SNX8: variants seen among roughly 807,000 people sequenced by gnomAD.
SNX8 encodes sorting nexin-8.
In SNX8, 25 loss-of-function variants were observed where a neutral mutation model predicts 51.6. The ratio of observed to expected loss-of-function variants is 0.48; its 90% CI spans 0.35 to 0.68. The LOEUF is 0.68. SNX8 is among the 30% of genes least tolerant of loss of function. The pLI is 0.00. For missense variants in SNX8, 695 were observed against 624.0 expected, an observed-to-expected ratio of 1.11 and a Z score of -1.21; for synonymous variants, 324 against 277.0, an observed-to-expected ratio of 1.17 and a Z score of -1.68.
At chr7:2,264,878 T>TA (rs1263765445) in intron 5 of SNX8, among the ~76,000 whole-genome samples, 1 of 151,448 alleles carries the variant, frequency 6.6e-6, no homozygotes, top group East Asian at 1.9e-4. Flanking sequence ...CCACTAAAAA[T>TA]ACAAAAATTA....
intron 1 of SNX8, among the ~76,000 whole-genome samples, chr7:2,350,991 C>T (rs1036659290): frequency 1.3e-5 from 2 of 152,112 alleles, no homozygotes; most frequent in African/African-American, 2.4e-5. Flanking sequence ...CAGTGGTGCA[C>T]GCCTATAGTC....
intron 1 of SNX8, among the ~76,000 whole-genome samples, chr7:2,287,234 C>A (rs1796051987): frequency 7.1e-6 from 1 of 141,838 alleles, no homozygotes. Context: ...CCAGCCTGGG[C>A]AACAGAGCAA....
rs867590135 is a variant in SNX8 at position 2,302,020 on chromosome 7, A to T, written c.94+12308T>A. Among the ~76,000 whole-genome samples, 11 of 152,216 alleles carry T rather than the reference A, an allele frequency of 7.2e-5. No individual in the cohort carries two copies. The South Asian group carries it at 1.7e-3, about 23-fold the overall frequency. On this transcript the variant is annotated intron_variant, in intron 1 of 10. Coordinates refer to ENST00000222990, the MANE Select transcript of SNX8 (RefSeq NM_013321.4). ...CACTTTGGGAGGCCGAGGCAGGCAG[A>T]TCACCAGGTCAAGAGATCGAGACCA...
At chr7:2,312,603 T>C (rs955179211) in intron 1 of SNX8, among the ~76,000 whole-genome samples, 1 of 152,168 alleles carries the variant, frequency 6.6e-6, no homozygotes, top group Non-Finnish European at 1.5e-5. Context: ...ACATCGAGGA[T>C]GCCCACCAAA....
intron 1 of SNX8, among the ~76,000 whole-genome samples, chr7:2,330,364 CCAA>C (rs1778708474): frequency 6.6e-6 from 1 of 151,826 alleles, no homozygotes; most frequent in African/African-American, 2.4e-5. Flanking sequence ...TCTTGAACTC[CCAA>C]CCTCAAGTGA....
At chr7:2,265,335 G>A (rs1471174166) in intron 5 of SNX8, among the ~76,000 whole-genome samples, 6 of 151,448 alleles carry the variant, frequency 4.0e-5, no homozygotes, top group South Asian at 2.1e-4. Context: ...GCGAGACTCC[G>A]TCTCAAAAAC....
chr7:2,339,836 A>C (rs1778889947), intron 1 of SNX8, among the ~76,000 whole-genome samples: 1 of 152,182 alleles, frequency 6.6e-6, no homozygotes, highest in South Asian at 2.1e-4. Context: ...ATTTTTAAAA[A>C]GAACAGAATA....
chr7:2,322,260 T>C (rs1438968985), intron 1 of SNX8, among the ~76,000 whole-genome samples: 1 of 152,198 alleles, frequency 6.6e-6, no homozygotes, highest in Non-Finnish European at 1.5e-5. Flanking sequence ...AATGCTGGTG[T>C]GGTGGCTCAC....
intron 1 of SNX8, among the ~76,000 whole-genome samples, chr7:2,325,540 A>G (rs1434302159): frequency 6.6e-6 from 1 of 152,108 alleles, no homozygotes; most frequent in African/African-American, 2.4e-5. Flanking sequence ...GTAATGAGGA[A>G]TATCAGGCCA....
intron 5 of SNX8, among the ~76,000 whole-genome samples, chr7:2,268,583 G>T (rs1220094019): frequency 4.9e-5 from 7 of 142,434 alleles, no homozygotes; most frequent in Admixed American, 4.1e-4. Context: ...CAGCCGCCCT[G>T]TCCGGGAGGG....
In SNX8 at chr7:2,299,106, G is replaced by A. The variant is rs185768086; in HGVS notation, c.94+15222C>T. Among the ~76,000 whole-genome samples, 8 of 152,064 alleles carry A rather than the reference G, an allele frequency of 5.3e-5. No individual in the cohort carries two copies. The East Asian group carries it at 1.5e-3, about 29-fold the overall frequency. On this transcript the variant is annotated intron_variant, in intron 1 of 10. Coordinates refer to ENST00000222990, the MANE Select transcript of SNX8 (RefSeq NM_013321.4). ...GGCTCCCCAGAGAGCTAGGTTCCTC[G>A]ATAGGACAACGGCATCTTGTTCTCA...
At chr7:2,338,558 C>T (rs930616420) in intron 1 of SNX8, among the ~76,000 whole-genome samples, 4 of 151,948 alleles carry the variant, frequency 2.6e-5, no homozygotes, top group African/African-American at 9.7e-5. Flanking sequence ...TGCTTGAACC[C>T]GGGAGGCTGA....
At chr7:2,345,379 A>T (rs1160991521) in intron 1 of SNX8, among the ~76,000 whole-genome samples, 1 of 152,122 alleles carries the variant, frequency 6.6e-6, no homozygotes, top group African/African-American at 2.4e-5. Flanking sequence ...GGGACAAATA[A>T]AACTGAGGAA....
chr7:2,277,980 A>G, intron 2 of SNX8, 120 bp downstream of exon 2: 2 of 1,450,746 alleles, frequency 1.4e-6, no homozygotes, highest in African/African-American at 1.4e-5. Context: ...CTTGCCTGTA[A>G]GCCAGCCACA....
chr7:2,295,175 G>C (rs867628844), intron 1 of SNX8, among the ~76,000 whole-genome samples: 1 of 151,536 alleles, frequency 6.6e-6, no homozygotes, highest in South Asian at 2.1e-4. Flanking sequence ...AGGCCAAGGC[G>C]GGCAGATCAC....
intron 1 of SNX8, among the ~76,000 whole-genome samples, chr7:2,347,178 A>C (rs1779047698): frequency 6.6e-6 from 1 of 151,918 alleles, no homozygotes; most frequent in Non-Finnish European, 1.5e-5. Context: ...TCTCCACAAA[A>C]CAATAATAAT....
At chr7:2,283,082 C>T (rs1328066583) in intron 1 of SNX8, among the ~76,000 whole-genome samples, 1 of 151,704 alleles carries the variant, frequency 6.6e-6, no homozygotes, top group Non-Finnish European at 1.5e-5. Context: ...GATCGCGCCA[C>T]TGCACTCCAG....
At chr7:2,270,289 A>G (rs1462816251) in intron 4 of SNX8, among the ~76,000 whole-genome samples, 1 of 129,154 alleles carries the variant, frequency 7.7e-6, no homozygotes, top group African/African-American at 3.0e-5. Flanking sequence ...TGCCTTAAAG[A>G]TCATCTGACT....
chr7:2,282,072 A>T (rs1003022347), intron 1 of SNX8, among the ~76,000 whole-genome samples: 5 of 152,234 alleles, frequency 3.3e-5, no homozygotes, highest in African/African-American at 1.2e-4. Flanking sequence ...CTCAGATCCC[A>T]GGCCAAGGGC....
Sources: gnomAD v4.1 joint callset for allele counts (sites outside exome capture counted in the v4.1 genomes callset) on GRCh38, gnomAD v4.1.1 for gene constraint, MANE v1.5 for transcripts, NCBI Gene and HGNC (gene_info 2026-07-23, HGNC 2026-07-21) for gene names.